PXDNL: variants seen among roughly 807,000 people sequenced by gnomAD.
PXDNL encodes the protein probable oxidoreductase PXDNL.
PXDNL carries 145 observed loss-of-function variants against 150.8 expected under a neutral mutation model. The ratio of observed to expected loss-of-function variants is 0.96; its 90% CI spans 0.84 to 1.10. The LOEUF (loss-of-function observed/expected upper bound fraction) is 1.10, where lower values mean the gene tolerates loss of function less well. Ranked by LOEUF, PXDNL falls within the 50% of genes least tolerant of loss-of-function variation. PXDNL has a pLI of 0.00. For missense variants in PXDNL, 2,087 were observed against 1,873.9 expected (o/e 1.11, Z -2.10); for synonymous variants, 757 against 725.7 (o/e 1.04, Z -0.69).
intron 1 of PXDNL, among the ~76,000 whole-genome samples, chr8:51,710,452 G>C (rs1258500209): frequency 6.6e-6 from 1 of 152,120 alleles, no homozygotes; most frequent in African/African-American, 2.4e-5. Flanking sequence ...GGGGGGTGAG[G>C]ACATTTAAAA....
chr8:51,371,901 G>C lies in PXDNL; in HGVS notation c.3873C>G (p.Asp1291Glu), dbSNP rs749487036. 3 of 1,613,926 alleles carry C rather than the reference G, an allele frequency of 1.9e-6. No individual in the cohort carries two copies. The East Asian group carries it at 6.7e-5, about 36-fold the overall frequency. Residue 1291 changes from aspartate (D) to glutamate (E), a missense_variant, in exon 19 of 23, where the codon GAC becomes GAG. By Grantham distance (45) the Asp-to-Glu change is conservative (BLOSUM62 2). Transcript: ENST00000356297. ...CACAGCAGTCTTGCCACACTCGCAGGTCCACCTTCGGGATCTCGCTGCAGT... is the reference window on the plus strand; with the variant it reads ...CACAGCAGTCTTGCCACACTCGCAGCTCCACCTTCGGGATCTCGCTGCAGT... ...YLNCSEIPKV[D>E]LRVWQDCCAD...
intron 21 of PXDNL, among the ~76,000 whole-genome samples, chr8:51,322,450 T>C (rs1215773336): frequency 6.6e-6 from 1 of 151,786 alleles, no homozygotes; most frequent in Non-Finnish European, 1.5e-5. Context: ...GGAACTGAGG[T>C]GGGATGAGTG....
chr8:51,707,371 C>T (rs542063257), intron 1 of PXDNL, among the ~76,000 whole-genome samples: 6 of 152,238 alleles, frequency 3.9e-5, no homozygotes, highest in Admixed American at 1.3e-4. Flanking sequence ...TTAAAATGCA[C>T]TTAATGTATA....
At chr8:51,599,145 T>C (rs1813638041) in intron 2 of PXDNL, among the ~76,000 whole-genome samples, 1 of 152,158 alleles carries the variant, frequency 6.6e-6, no homozygotes, top group East Asian at 1.9e-4. Flanking sequence ...TTAATCTAGC[T>C]AGTGGTCTAT....
At chr8:51,617,654 C>T (rs1814159295) in intron 2 of PXDNL, among the ~76,000 whole-genome samples, 1 of 152,184 alleles carries the variant, frequency 6.6e-6, no homozygotes, top group African/African-American at 2.4e-5. Context: ...TTGGGACTTT[C>T]TTTCAGGTTT....
intron 1 of PXDNL, among the ~76,000 whole-genome samples, chr8:51,723,679 C>T (rs970465947): frequency 6.6e-6 from 1 of 152,098 alleles, no homozygotes; most frequent in Non-Finnish European, 1.5e-5. Context: ...AGCCACCTGC[C>T]GAAGGTGGGC....
chr8:51,412,644 AT>A (rs928293950), intron 15 of PXDNL, among the ~76,000 whole-genome samples: 37 of 152,188 alleles, frequency 2.4e-4, no homozygotes, highest in African/African-American at 8.7e-4. Flanking sequence ...ATCAACAATC[AT>A]TTTTTTGTTA....
chr8:51,683,164 CA>C (rs1815791496), intron 1 of PXDNL, among the ~76,000 whole-genome samples: 1 of 44,450 alleles, frequency 2.2e-5, no homozygotes, highest in Admixed American at 3.5e-4. Flanking sequence ...AATTGTCTTT[CA>C]TATATATATA....
chr8:51,375,679 A>G (rs1807279976), intron 17 of PXDNL, among the ~76,000 whole-genome samples: 2 of 152,194 alleles, frequency 1.3e-5, no homozygotes, highest in Non-Finnish European at 2.9e-5. Context: ...TAGTTTAGTT[A>G]CACTGGTGAT....
intron 4 of PXDNL, among the ~76,000 whole-genome samples, chr8:51,528,802 T>G (rs1214785449): frequency 2.0e-5 from 3 of 152,098 alleles, no homozygotes; most frequent in African/African-American, 7.2e-5. Flanking sequence ...CCTCTAGAAA[T>G]TGGGTTTTTA....
At chr8:51,735,484 G>GA (rs1321816336) in intron 1 of PXDNL, among the ~76,000 whole-genome samples, 1 of 144,826 alleles carries the variant, frequency 6.9e-6, no homozygotes, top group African/African-American at 2.7e-5. Context: ...GACTGTCTCA[G>GA]AAAAAAATAA....
At chr8:51,774,548 G>GTGGCTCATGCCTGTAATCCTAGCACTT (rs2037331314) in intron 1 of PXDNL, among the ~76,000 whole-genome samples, 10 of 152,230 alleles carry the variant, frequency 6.6e-5, no homozygotes, top group Admixed American at 6.5e-4. Flanking sequence ...GCTGAGCACA[G>GTGGCTCATGCCTGTAATCCTAGCACTT]TGGCTCATGC....
At chr8:51,574,541 C>T (rs10088330) in intron 3 of PXDNL, among the ~76,000 whole-genome samples, 1,776 of 151,736 alleles carry the variant, frequency 0.012, 30 homozygotes, top group African/African-American at 0.04. Flanking sequence ...CCAATTTTGG[C>T]CAAAGAAATA....
chr8:51,744,841 GAAGGAAGGA>G (rs2036959956), intron 1 of PXDNL, among the ~76,000 whole-genome samples: 1 of 149,044 alleles, frequency 6.7e-6, no homozygotes, highest in Non-Finnish European at 1.5e-5. Flanking sequence ...GAAAGAAAAG[GAAGGAAGGA>G]AAGAAGGAAA....
intron 1 of PXDNL, among the ~76,000 whole-genome samples, chr8:51,722,668 C>G (rs1816753380): frequency 1.3e-5 from 2 of 152,154 alleles, no homozygotes; most frequent in African/African-American, 4.8e-5. Context: ...TTGTCTCCAA[C>G]TGTCCCCAGC....
chr8:51,704,247 C>A (rs1434632047), intron 1 of PXDNL, among the ~76,000 whole-genome samples: 1 of 152,188 alleles, frequency 6.6e-6, no homozygotes, highest in Non-Finnish European at 1.5e-5. Flanking sequence ...GGATCATATG[C>A]ATATATTTTG....
intron 2 of PXDNL, among the ~76,000 whole-genome samples, chr8:51,637,149 A>G (rs931536762): frequency 1.3e-5 from 2 of 152,210 alleles, no homozygotes; most frequent in Admixed American, 6.5e-5. Flanking sequence ...TTAGAAGGAA[A>G]ACTAACAAAC....
chr8:51,339,256 T>C (rs1352453331), intron 21 of PXDNL, among the ~76,000 whole-genome samples: 10 of 152,154 alleles, frequency 6.6e-5, no homozygotes, highest in Non-Finnish European at 1.2e-4. Flanking sequence ...GTCCAGGAGT[T>C]CAAGACCAGC....
chr8:51,570,904 A>G (rs1230270869), intron 3 of PXDNL, among the ~76,000 whole-genome samples: 3 of 151,866 alleles, frequency 2.0e-5, no homozygotes, highest in East Asian at 1.9e-4. Context: ...TAGTAGCTAA[A>G]TAGGCAAAGT....
Sources: gnomAD v4.1 joint callset for allele counts (sites outside exome capture counted in the v4.1 genomes callset) on GRCh38, gnomAD v4.1.1 for gene constraint, MANE v1.5 for transcripts, NCBI Gene and HGNC (gene_info 2026-07-23, HGNC 2026-07-21) for gene names.